Variants in CCDC28B observed in about 807,000 individuals in gnomAD.
The protein encoded by CCDC28B is coiled-coil domain-containing protein 28B.
Under a neutral mutation model 18.7 loss-of-function variants are expected in CCDC28B, and 17 were observed. The ratio of observed to expected loss-of-function variants is 0.91; its 90% confidence interval spans 0.62 to 1.36. The LOEUF is 1.36. Ranked by LOEUF, CCDC28B falls within the 40% of genes most tolerant of loss-of-function variation. CCDC28B has a pLI of 0.00. For synonymous variants in CCDC28B, 116 were observed against 105.1 expected, an observed-to-expected ratio of 1.10 and a Z score of -0.64; for missense variants, 213 against 251.7, an observed-to-expected ratio of 0.85 and a Z score of 1.04.
Position 32,205,347 on chromosome 1 carries a change from G to C in CCDC28B, c.*99G>C. 1 of 1,234,272 alleles carries C rather than the reference G, an allele frequency of 8.1e-7. No homozygotes were observed. Among genetic ancestry groups the C allele is most frequent in the Non-Finnish European group, 1.1e-6 (1 of 892,368 alleles). The allele number at this position is 1,234,272 out of a possible 1,614,324, so 76.5% of individuals were successfully genotyped here. ...TCTGCGGCCCCCCAGGTGCTATGGG[G>C]GAGGGGGGCGTTGAATGGAATTAAA... On this transcript the variant is annotated 3_prime_UTR_variant, in exon 6 of 6. Coordinates refer to ENST00000373602, the MANE Select transcript of CCDC28B (RefSeq NM_024296.5). This position sits in a 1 kb window ranked among gnomAD's most constrained non-coding sequence, Gnocchi z 5.6.
At chr1:32,204,536 C>T (rs1358437962) in intron 4 of CCDC28B, 62 bp from the exon 5 acceptor site, 1 of 1,526,174 alleles carries the variant, frequency 6.6e-7, no homozygotes, top group Non-Finnish European at 8.8e-7. Flanking sequence ...GCCCCCAGAG[C>T]ATTGGGGATT....
upstream of CCDC28B, among the ~76,000 whole-genome samples, chr1:32,200,144 G>A (rs571375245): frequency 4.6e-5 from 7 of 152,314 alleles, no homozygotes; most frequent in South Asian, 1.4e-3. Flanking sequence ...TCAAAAGACT[G>A]TTGCTTACTT....
Position 32,205,134 on chromosome 1 carries a change from T to A in CCDC28B, c.549-60T>A. On this transcript the variant is annotated intron_variant, in intron 5 of 5. Transcript: ENST00000373602. This position sits in a 1 kb window ranked among gnomAD's most constrained non-coding sequence, Gnocchi z 5.6. ...GTGAGGGAACTAAACCTGTGCAAGATGGGAGACCGGGGTGGGAGGAAGGAC... is the reference window on the plus strand; with the variant it reads ...GTGAGGGAACTAAACCTGTGCAAGAAGGGAGACCGGGGTGGGAGGAAGGAC... 1 of 1,598,900 alleles carries A rather than the reference T, an allele frequency of 6.3e-7. No individual in the cohort carries two copies. Among genetic ancestry groups the A allele is most frequent in the Non-Finnish European group, 8.6e-7 (1 of 1,169,092 alleles).
At chr1:32,199,764 T>TG (rs1228746144), upstream of CCDC28B, among the ~76,000 whole-genome samples, 2 of 152,304 alleles carry the variant, frequency 1.3e-5, no homozygotes, top group African/African-American at 4.8e-5. Context: ...TGCACTGCCC[T>TG]GGGCCAGCTC....
At chr1:32,202,450 G>T in intron 2 of CCDC28B, 1 of 405,738 alleles carries the variant, frequency 2.5e-6, no homozygotes, top group Non-Finnish European at 4.8e-6. Context: ...TGGGGGCCCT[G>T]GAGTATCAGG....
chr1:32,205,084 C>A lies in CCDC28B; in HGVS notation c.549-110C>A. 7.2e-7 allele frequency: 1 copy of A among 1,385,144 alleles called. No individual in the cohort carries two copies. The highest frequency in any genetic ancestry group is 1.3e-5 in the South Asian group (1 of 74,592). 85.8% of individuals were successfully genotyped at this position (1,385,144 alleles called of 1,614,324 possible). On this transcript the variant is annotated intron_variant, in intron 5 of 5. Transcript: ENST00000373602. The surrounding 1 kb of genome is among the most constrained non-coding windows in gnomAD (Gnocchi z 5.6). ...ACCTCAGTCCACAGACGGCCCGAGA[C>A]CCTCGTCCCCGGCCCTTTGCACAGG... is the stretch of plus-strand genomic sequence containing the variant.
At chr1:32,198,623 G>C (rs1643076699), upstream of CCDC28B, among the ~76,000 whole-genome samples, 1 of 152,242 alleles carries the variant, frequency 6.6e-6, no homozygotes, top group South Asian at 2.1e-4. Context: ...GCTGAGAGCA[G>C]AGAGGAGGCC....
chr1:32,199,010 G>C (rs1234113931), upstream of CCDC28B, among the ~76,000 whole-genome samples: 1 of 152,182 alleles, frequency 6.6e-6, no homozygotes, highest in African/African-American at 2.4e-5. Context: ...GGAATTCACA[G>C]GGGCCTCTAA....
intron 1 of CCDC28B, among the ~76,000 whole-genome samples, chr1:32,201,329 G>C (rs778553306): frequency 1.3e-5 from 2 of 152,164 alleles, no homozygotes; most frequent in Non-Finnish European, 2.9e-5. Context: ...TTTTCGGTTG[G>C]GGGTGGGTGG....
At chr1:32,202,266 A>C in intron 2 of CCDC28B, 167 bp downstream of exon 2, 1 of 906,168 alleles carries the variant, frequency 1.1e-6, no homozygotes, top group Non-Finnish European at 1.8e-6. Flanking sequence ...CCTACCCTCA[A>C]CTGTGTGGCA....
chr1:32,202,162 AG>A lies in CCDC28B; in HGVS notation c.164+65del, dbSNP rs960440423. 1.9e-6 allele frequency: 3 copies of A among 1,601,008 alleles called. No homozygotes were observed. In the African/African-American group the frequency reaches 4.0e-5, roughly 21 times the overall value. On this transcript the variant is annotated intron_variant, in intron 2 of 5. Coordinates refer to ENST00000373602, the MANE Select transcript of CCDC28B (RefSeq NM_024296.5). Reference sequence around the variant, plus strand: ...ACTCTGGGTTGCACTGTAGAGAGGAAGGCAAGGGGGGCCTCCGCCTTTAGTT... The same window carrying A: ...ACTCTGGGTTGCACTGTAGAGAGGAAGCAAGGGGGGCCTCCGCCTTTAGTT...
intron 1 of CCDC28B, chr1:32,201,645 C>T: frequency 3.6e-6 from 1 of 274,884 alleles, no homozygotes; most frequent in Non-Finnish European, 6.8e-6. Flanking sequence ...GCCCCAGTAG[C>T]GCCAAGATAG....
chr1:32,205,021 A>G lies in CCDC28B; in HGVS notation c.549-173A>G. On this transcript the variant is annotated intron_variant, in intron 5 of 5. Transcript: ENST00000373602. This position sits in a 1 kb window ranked among gnomAD's most constrained non-coding sequence, Gnocchi z 5.6. ...GTGTCTGACCTGCACGATCTGGATG[A>G]AGAGAGAGGGGGTGAGAGAGGGCAG... 2 of 1,177,656 alleles carry G rather than the reference A, an allele frequency of 1.7e-6. No homozygotes were observed. The highest frequency in any genetic ancestry group is 2.6e-5 in the East Asian group (1 of 38,746). 73.0% of individuals were successfully genotyped at this position (1,177,656 alleles called of 1,614,324 possible).
intron 3 of CCDC28B, 54 bp from the exon 4 acceptor site, chr1:32,204,132 G>A (rs988787948): frequency 6.2e-7 from 1 of 1,608,130 alleles, no homozygotes; most frequent in Non-Finnish European, 8.5e-7. Context: ...ATGGTTCCAG[G>A]GTTCCAGGGT....
chr1:32,203,995 G>GA lies in CCDC28B; in HGVS notation c.282dup (p.Leu95ThrfsTer7), dbSNP rs1643225530. On this transcript the variant is annotated frameshift_variant, in exon 3 of 6. Transcript: ENST00000373602. LOFTEE classifies it high-confidence loss of function. ...ACTGATGTCTATGAGATGGAGGGGG[G>GA]ACTCCTGAACCTGCTCAATGATTTC... is the stretch of plus-strand genomic sequence containing the variant. 6.4e-7 allele frequency: 1 copy of GA among 1,574,544 alleles called. No individual in the cohort carries two copies. Among genetic ancestry groups the GA allele is most frequent in the Non-Finnish European group, 8.6e-7 (1 of 1,160,918 alleles).
At chr1:32,199,184 T>C (rs950066795), upstream of CCDC28B, among the ~76,000 whole-genome samples, 11 of 152,190 alleles carry the variant, frequency 7.2e-5, no homozygotes, top group Admixed American at 2.6e-4. Flanking sequence ...AAGGATGATA[T>C]GTGCTGAATG....
chr1:32,200,518 G>A (rs1203596945), upstream of CCDC28B: 8 of 152,226 alleles, frequency 5.3e-5, no homozygotes. Flanking sequence ...GGTCGAGTGA[G>A]AGGAACTGCT....
chr1:32,196,371 G>A (rs1193264122), upstream of CCDC28B: 1 of 152,150 alleles, frequency 6.6e-6, no homozygotes, highest in Non-Finnish European at 1.5e-5. Context: ...CTCAAGATTT[G>A]TCCTGATTCT....
At chr1:32,202,153 T>C in intron 2 of CCDC28B, 54 bp downstream of exon 2, 5 of 1,609,916 alleles carry the variant, frequency 3.1e-6, no homozygotes, top group Non-Finnish European at 4.2e-6. Flanking sequence ...GGTTGCACTG[T>C]AGAGAGGAAG....
Sources: allele counts gnomAD v4.1 joint callset (sites outside exome capture counted in the v4.1 genomes callset), GRCh38; gene constraint gnomAD v4.1.1; non-coding constraint Gnocchi (gnomAD v3.1); transcripts MANE v1.5; gene names NCBI Gene and HGNC (gene_info 2026-07-23, HGNC 2026-07-21).